The following ADAMTSL1 variants were observed in gnomAD, a reference collection of about 807,000 sequenced individuals.
ADAMTSL1 encodes the protein ADAMTS-like protein 1.
Under a neutral mutation model 201.8 loss-of-function variants are expected in ADAMTSL1, and 126 were observed. That is an observed-to-expected ratio of 0.62 (90% CI 0.54 to 0.72). The LOEUF (loss-of-function observed/expected upper bound fraction) is 0.72, where lower values mean the gene tolerates loss of function less well. ADAMTSL1 is among the 30% of genes least tolerant of loss of function. The pLI is 0.00. For missense variants in ADAMTSL1, 2,679 were observed against 2,277.8 expected (o/e 1.18, Z -3.59); for synonymous variants, 1,121 against 903.4 (o/e 1.24, Z -4.32).
At chr9:18,075,990 A>T (rs1310041484) in intron 1 of ADAMTSL1, among the ~76,000 whole-genome samples, 2 of 152,232 alleles carry the variant, frequency 1.3e-5, no homozygotes, top group East Asian at 3.9e-4. Context: ...ATAGCATCTA[A>T]AACTGTTACA....
At chr9:18,589,508 T>C (rs966842926) in intron 4 of ADAMTSL1, among the ~76,000 whole-genome samples, 3 of 152,210 alleles carry the variant, frequency 2.0e-5, no homozygotes, top group Non-Finnish European at 2.9e-5. Context: ...TATAAGATTA[T>C]GTCATCTGCA....
intron 2 of ADAMTSL1, among the ~76,000 whole-genome samples, chr9:18,202,019 A>G (rs1235352836): frequency 2.0e-5 from 3 of 152,184 alleles, no homozygotes; most frequent in Non-Finnish European, 4.4e-5. Flanking sequence ...ATAATTCAAT[A>G]TGATTTGCTG....
intron 2 of ADAMTSL1, among the ~76,000 whole-genome samples, chr9:18,411,746 T>C (rs1563943060): frequency 6.6e-6 from 1 of 152,192 alleles, no homozygotes; most frequent in Non-Finnish European, 1.5e-5. Context: ...TTAGACATCA[T>C]GTCATTTCAC....
intron 1 of ADAMTSL1, among the ~76,000 whole-genome samples, chr9:18,062,756 C>A (rs953407842): frequency 6.6e-6 from 1 of 152,234 alleles, no homozygotes; most frequent in Non-Finnish European, 1.5e-5. Context: ...CAGTGAGAAA[C>A]AATTCTAATG....
chr9:18,516,096 A>AAG (rs2132000252), intron 2 of ADAMTSL1, among the ~76,000 whole-genome samples: 1 of 151,818 alleles, frequency 6.6e-6, no homozygotes, highest in South Asian at 2.1e-4. Context: ...CCAAAAAAAA[A>AAG]AAAAAGAAAG....
chr9:18,470,287 A>G (rs1001110407), upstream of ADAMTSL1, among the ~76,000 whole-genome samples: 6 of 152,230 alleles, frequency 3.9e-5, no homozygotes, highest in Non-Finnish European at 8.8e-5. Context: ...TGAAAACTAT[A>G]ATGAATGCTC....
rs917153904 is a variant in ADAMTSL1 at position 18,524,296 on chromosome 9, C to T, written c.192-8951C>T. Among the ~76,000 whole-genome samples, 107 of 152,262 alleles carry T rather than the reference C, an allele frequency of 7.0e-4. 1 individual carries two copies. Among genetic ancestry groups the T allele is most frequent in the African/African-American group, 2.3e-3 (97 of 41,538 alleles). On this transcript the variant is annotated intron_variant, in intron 2 of 28. Transcript: ENST00000380548. ...GATTTTTGCATATTTATTTTGTATC[C>T]TGAGACTTTGCTGAAGTTGCTTAGC...
At chr9:18,086,116 G>A (rs1371673507) in intron 1 of ADAMTSL1, among the ~76,000 whole-genome samples, 3 of 152,054 alleles carry the variant, frequency 2.0e-5, no homozygotes, top group African/African-American at 7.2e-5. Context: ...AATTTTTTGA[G>A]GGAAATCAGA....
chr9:17,972,651 T>G (rs1357722663), intron 1 of ADAMTSL1, among the ~76,000 whole-genome samples: 2 of 151,862 alleles, frequency 1.3e-5, no homozygotes, highest in East Asian at 3.9e-4. Flanking sequence ...TATAGGAGCA[T>G]GATTTATAGT....
At chr9:18,883,519 G>T (rs991312468) in intron 23 of ADAMTSL1, among the ~76,000 whole-genome samples, 4 of 152,170 alleles carry the variant, frequency 2.6e-5, no homozygotes, top group African/African-American at 9.7e-5. Flanking sequence ...TTGTTGTGCA[G>T]CTATCATCAC....
intron 1 of ADAMTSL1, among the ~76,000 whole-genome samples, chr9:17,993,665 A>G (rs1176613938): frequency 1.3e-5 from 2 of 152,288 alleles, no homozygotes; most frequent in East Asian, 3.9e-4. Context: ...AGTTGTTATT[A>G]ATGAGGCTAA....
At chr9:18,356,079 TA>T (rs918569805) in intron 2 of ADAMTSL1, among the ~76,000 whole-genome samples, 3 of 152,204 alleles carry the variant, frequency 2.0e-5, no homozygotes, top group South Asian at 4.1e-4. Context: ...ACTGACAATC[TA>T]AGAGTGAGCA....
chr9:18,443,755 G>T (rs987102743), intron 2 of ADAMTSL1, among the ~76,000 whole-genome samples: 2 of 152,196 alleles, frequency 1.3e-5, no homozygotes, highest in African/African-American at 4.8e-5. Flanking sequence ...CCCAACTCAT[G>T]AATTCAGTGT....
At chr9:18,576,604 C>G (rs1226104592) in intron 4 of ADAMTSL1, among the ~76,000 whole-genome samples, 1 of 152,176 alleles carries the variant, frequency 6.6e-6, no homozygotes, top group Non-Finnish European at 1.5e-5. Flanking sequence ...ACAGTTATTG[C>G]CGTTTCATAG....
chr9:18,525,652 C>G (rs1054082494), intron 2 of ADAMTSL1, among the ~76,000 whole-genome samples: 2 of 152,116 alleles, frequency 1.3e-5, no homozygotes, highest in Non-Finnish European at 2.9e-5. Context: ...TGTCTTTGTT[C>G]TCACTGGTTT....
chr9:18,289,590 G>A (rs1346104975), intron 2 of ADAMTSL1, among the ~76,000 whole-genome samples: 2 of 152,202 alleles, frequency 1.3e-5, no homozygotes, highest in Non-Finnish European at 2.9e-5. Flanking sequence ...TCAGTAGCCA[G>A]GACTTTATCT....
At chr9:17,924,463 G>T (rs1282502453) in intron 1 of ADAMTSL1, among the ~76,000 whole-genome samples, 1 of 152,088 alleles carries the variant, frequency 6.6e-6, no homozygotes, top group African/African-American at 2.4e-5. Flanking sequence ...TGTGGGATCG[G>T]TGGTGATATC....
intron 20 of ADAMTSL1, among the ~76,000 whole-genome samples, chr9:18,798,057 T>C (rs113606567): frequency 1.3e-4 from 20 of 151,362 alleles, no homozygotes; most frequent in African/African-American, 4.4e-4. Context: ...ACTGCAGGGG[T>C]TTTTTCCTGG....
chr9:18,568,021 A>G (rs917527898), intron 3 of ADAMTSL1, among the ~76,000 whole-genome samples: 24 of 152,162 alleles, frequency 1.6e-4, no homozygotes, highest in African/African-American at 5.8e-4. Context: ...AGTGAATGTG[A>G]TCTCTCTTTC....
Sources: allele counts gnomAD v4.1 joint callset (sites outside exome capture counted in the v4.1 genomes callset), GRCh38; gene constraint gnomAD v4.1.1; transcripts MANE v1.5; gene names NCBI Gene and HGNC (gene_info 2026-07-23, HGNC 2026-07-21).